The following SLC25A13 variants were observed in gnomAD, a reference collection of about 807,000 sequenced individuals.
SLC25A13 encodes the protein electrogenic aspartate/glutamate antiporter SLC25A13, mitochondrial.
Under a neutral mutation model 85.5 loss-of-function variants are expected in SLC25A13, and 70 were observed. The ratio of observed to expected loss-of-function variants is 0.82; its 90% confidence interval spans 0.68 to 1.00. SLC25A13 has a LOEUF of 1.00. Ranked by LOEUF, SLC25A13 falls within the 50% of genes least tolerant of loss-of-function variation. The pLI is 0.00. For missense variants in SLC25A13, 765 were observed against 819.8 expected, an observed-to-expected ratio of 0.93 and a Z score of 0.82; for synonymous variants, 259 against 288.7, an observed-to-expected ratio of 0.90 and a Z score of 1.04.
chr7:96,213,989 G>A (rs1795794402), intron 4 of SLC25A13, among the ~76,000 whole-genome samples: 1 of 152,142 alleles, frequency 6.6e-6, no homozygotes, highest in Non-Finnish European at 1.5e-5. Flanking sequence ...TGTTTGGAAG[G>A]CCTGTAGTTC....
intron 2 of SLC25A13, among the ~76,000 whole-genome samples, chr7:96,290,040 C>T (rs1584574659): frequency 6.6e-6 from 1 of 152,090 alleles, no homozygotes; most frequent in East Asian, 1.9e-4. Context: ...AAAGGGAAAC[C>T]CATCAGACTA....
chr7:96,192,361 A>C (rs1476302733), intron 6 of SLC25A13, among the ~76,000 whole-genome samples: 1 of 152,232 alleles, frequency 6.6e-6, no homozygotes, highest in Admixed American at 6.5e-5. Flanking sequence ...TTAGATTCTA[A>C]GACCTCATCG....
rs34699754 is a variant in SLC25A13, at chr7:96,229,097, G to A, written c.328+5705C>T. On this transcript the variant is annotated intron_variant, in intron 4 of 17. Transcript: ENST00000265631. ...CACCCAAGGGCTGAGGAGTGCAGGC[G>A]CATGGCGTGGGACTGATGGGCAGCT... Among the ~76,000 whole-genome samples the A allele has an allele frequency of 5.9e-3, 893 of 152,336 alleles. 10 individuals are homozygous for A. Among genetic ancestry groups the A allele is most frequent in the Admixed American group, 0.01 (160 of 15,306 alleles).
intron 4 of SLC25A13, among the ~76,000 whole-genome samples, chr7:96,226,653 T>C (rs1044218562): frequency 1.3e-5 from 2 of 151,558 alleles, no homozygotes; most frequent in Non-Finnish European, 2.9e-5. Context: ...GTATAAAAAA[T>C]AACACCATAA....
chr7:96,155,711 T>C (rs1473183276), intron 13 of SLC25A13, among the ~76,000 whole-genome samples: 1 of 152,140 alleles, frequency 6.6e-6, no homozygotes, highest in Non-Finnish European at 1.5e-5. Context: ...CCCTGCAAAC[T>C]CTCTCTTCTC....
At chr7:96,191,954 A>G (rs181416107) in intron 6 of SLC25A13, among the ~76,000 whole-genome samples, 2 of 152,326 alleles carry the variant, frequency 1.3e-5, no homozygotes, top group East Asian at 3.9e-4. Context: ...GGAGTTTCAA[A>G]TTCTATCCTT....
At chr7:96,132,246 C>T (rs116604879) in intron 14 of SLC25A13, among the ~76,000 whole-genome samples, 2,218 of 152,206 alleles carry the variant, frequency 0.015, 54 homozygotes, top group African/African-American at 0.05. Context: ...TCACCAAAGA[C>T]GGGTAACGGC....
intron 11 of SLC25A13, among the ~76,000 whole-genome samples, chr7:96,180,716 C>G (rs1794388542): frequency 6.6e-6 from 1 of 152,212 alleles, no homozygotes; most frequent in Non-Finnish European, 1.5e-5. Flanking sequence ...CCTGAAAGAT[C>G]TGAGAGAGAA....
At chr7:96,223,826 A>G (rs959559593) in intron 4 of SLC25A13, among the ~76,000 whole-genome samples, 1 of 150,798 alleles carries the variant, frequency 6.6e-6, no homozygotes. Flanking sequence ...GTAGTATTCA[A>G]TCTCTCTGCT....
At chr7:96,297,934 T>C (rs187731988) in intron 1 of SLC25A13, among the ~76,000 whole-genome samples, 4 of 152,162 alleles carry the variant, frequency 2.6e-5, no homozygotes, top group African/African-American at 9.7e-5. Flanking sequence ...CCAAAAACAT[T>C]GCTGGGGAAA....
At chr7:96,266,547 T>C (rs1387671381) in intron 3 of SLC25A13, among the ~76,000 whole-genome samples, 5 of 152,102 alleles carry the variant, frequency 3.3e-5, no homozygotes, top group African/African-American at 1.2e-4. Flanking sequence ...GCGCTATCTG[T>C]ACATATGAAT....
chr7:96,212,337 G>C (rs933303167), intron 4 of SLC25A13, among the ~76,000 whole-genome samples: 5 of 152,190 alleles, frequency 3.3e-5, no homozygotes, highest in Admixed American at 3.3e-4. Context: ...ACTGTACTAG[G>C]TCCTGTGGGA....
chr7:96,198,982 A>G (rs894294679), intron 5 of SLC25A13, among the ~76,000 whole-genome samples: 29 of 152,340 alleles, frequency 1.9e-4, no homozygotes, highest in African/African-American at 6.7e-4. Context: ...AGAAATACAG[A>G]TCTGGGAAAT....
chr7:96,320,275 G>A (rs902416745), intron 1 of SLC25A13, among the ~76,000 whole-genome samples: 1 of 152,132 alleles, frequency 6.6e-6, no homozygotes, highest in East Asian at 1.9e-4. Flanking sequence ...CCAAAGTGCT[G>A]GGATTACAGG....
At chr7:96,231,565 A>C (rs1796540928) in intron 4 of SLC25A13, among the ~76,000 whole-genome samples, 1 of 152,204 alleles carries the variant, frequency 6.6e-6, no homozygotes, top group African/African-American at 2.4e-5. Flanking sequence ...TCTCTACTAA[A>C]AATACAAAAT....
intron 11 of SLC25A13, among the ~76,000 whole-genome samples, chr7:96,175,267 A>T (rs1322770805): frequency 6.6e-6 from 1 of 152,238 alleles, no homozygotes; most frequent in Non-Finnish European, 1.5e-5. Flanking sequence ...CAGAGGAAAC[A>T]GTTGGTGTGC....
chr7:96,254,530 ATG>A (rs950195553), intron 3 of SLC25A13, among the ~76,000 whole-genome samples: 2 of 152,210 alleles, frequency 1.3e-5, no homozygotes, highest in African/African-American at 4.8e-5. Context: ...GTACATTTAC[ATG>A]TGTATTTGTC....
intron 4 of SLC25A13, among the ~76,000 whole-genome samples, chr7:96,227,445 T>C (rs1796363778): frequency 6.6e-6 from 1 of 152,194 alleles, no homozygotes; most frequent in Non-Finnish European, 1.5e-5. Flanking sequence ...AATGACTTAC[T>C]CTAAAATTGT....
At chr7:96,241,037 G>GGAAAGAAAGAAAGAAAGAAAGAAAGAAA (rs200466951) in intron 3 of SLC25A13, among the ~76,000 whole-genome samples, 2 of 80,614 alleles carry the variant, frequency 2.5e-5, no homozygotes, top group African/African-American at 1.0e-4. Context: ...AAGAAAGAAA[G>GGAAAGAAAGAAAGAAAGAAAGAAAGAAA]GAAAGAAAGA....
Sources: gnomAD v4.1 joint callset for allele counts (sites outside exome capture counted in the v4.1 genomes callset) on GRCh38, gnomAD v4.1.1 for gene constraint, MANE v1.5 for transcripts, NCBI Gene and HGNC (gene_info 2026-07-23, HGNC 2026-07-21) for gene names.